The following SMC5 variants were observed in gnomAD, a reference collection of about 807,000 sequenced individuals.
SMC5 encodes structural maintenance of chromosomes 5, also known as structural maintenance of chromosomes protein 5.
A neutral mutation model predicts 148.3 loss-of-function variants in SMC5; 88 were observed. The observed-to-expected ratio is 0.59, with a 90% confidence interval of 0.50 to 0.71. The LOEUF is 0.71. Among genes scored for constraint, SMC5 ranks in the 30% least tolerant of loss-of-function variants. SMC5 has a pLI of 0.00. For synonymous variants in SMC5, 421 were observed against 432.8 expected, an observed-to-expected ratio of 0.97 and a Z score of 0.34; for missense variants, 1,142 against 1,298.9, an observed-to-expected ratio of 0.88 and a Z score of 1.86.
chr9:70,286,177 C>CG, intron 7 of SMC5, 23 bp from the exon 8 acceptor site: 4 of 1,426,928 alleles, frequency 2.8e-6, no homozygotes, highest in Non-Finnish European at 2.9e-6. Flanking sequence ...CTGTCCCCCC[C>CG]TCTCCCCGGT....
chr9:70,310,457 T>G (rs1263403324), intron 11 of SMC5, among the ~76,000 whole-genome samples: 2 of 152,174 alleles, frequency 1.3e-5, no homozygotes, highest in African/African-American at 4.8e-5. Context: ...AAATACTCAG[T>G]AAACCATGCT....
intron 11 of SMC5, among the ~76,000 whole-genome samples, chr9:70,306,332 T>C (rs752620322): frequency 6.6e-6 from 1 of 152,180 alleles, no homozygotes; most frequent in Non-Finnish European, 1.5e-5. Context: ...GGTACACAAG[T>C]GCTTGGAAAG....
At position 70,259,281 on chromosome 9, in the gene SMC5, C is replaced by G; in HGVS notation, c.185+18C>G. The G allele has an allele frequency of 6.4e-7, 1 of 1,553,288 alleles. No individual in the cohort carries two copies. Among genetic ancestry groups the G allele is most frequent in the Non-Finnish European group, 8.7e-7 (1 of 1,147,704 alleles). On this transcript the variant is annotated intron_variant, in intron 1 of 24. Coordinates refer to ENST00000361138, the MANE Select transcript of SMC5 (RefSeq NM_015110.4). Reference sequence around the variant, plus strand: ...AACTTCCTGTAAGTTGCCCGGAGGCCGCGCCGCGGGTGTGGAGGTGTGCTG... The same window carrying G: ...AACTTCCTGTAAGTTGCCCGGAGGCGGCGCCGCGGGTGTGGAGGTGTGCTG...
At chr9:70,351,353 C>CAA (rs771025321) in intron 24 of SMC5, among the ~76,000 whole-genome samples, 3 of 120,604 alleles carry the variant, frequency 2.5e-5, no homozygotes, top group Admixed American at 1.7e-4. Context: ...GACCTTGTTC[C>CAA]AAAAAAAAAA....
rs145139778 is a variant in SMC5, at chr9:70,271,437, A to G, written c.380+3462A>G. Among the ~76,000 whole-genome samples the G allele has an allele frequency of 3.9e-3, 599 of 152,330 alleles. 3 individuals are homozygous for G. Among genetic ancestry groups the G allele is most frequent in the African/African-American group, 0.013 (554 of 41,566 alleles). On this transcript the variant is annotated intron_variant, in intron 3 of 24. Transcript: ENST00000361138. ...TTGAAATTATTGCCATTAAACAAGT[A>G]TACTAACTGGCCATGTATTCCTTGA...
intron 11 of SMC5, among the ~76,000 whole-genome samples, chr9:70,308,409 C>T (rs112295709): frequency 0.011 from 1,682 of 150,948 alleles, 21 homozygotes; most frequent in African/African-American, 0.038. Context: ...TTTGAGACCA[C>T]GGTGAAACCC....
chr9:70,279,506 G>A (rs773755998), intron 5 of SMC5, among the ~76,000 whole-genome samples: 7 of 150,814 alleles, frequency 4.6e-5, no homozygotes, highest in East Asian at 4.0e-4. Context: ...GTGACAGAGC[G>A]AGACCCTGTG....
At chr9:70,345,024 CAG>C (rs1229255690) in intron 18 of SMC5, among the ~76,000 whole-genome samples, 1 of 151,936 alleles carries the variant, frequency 6.6e-6, no homozygotes, top group Non-Finnish European at 1.5e-5. Context: ...ATATCAGACA[CAG>C]AAATCACAGA....
intron 8 of SMC5, among the ~76,000 whole-genome samples, chr9:70,296,402 A>G (rs577835006): frequency 1.3e-5 from 2 of 152,232 alleles, no homozygotes; most frequent in African/African-American, 4.8e-5. Context: ...GTTCTACTAA[A>G]TATACAAAAA....
intron 10 of SMC5, among the ~76,000 whole-genome samples, chr9:70,301,183 T>C (rs1471357224): frequency 6.6e-6 from 1 of 152,154 alleles, no homozygotes; most frequent in African/African-American, 2.4e-5. Flanking sequence ...AGAAAAAATA[T>C]TGTGACCCTT....
Position 70,305,315 on chromosome 9 carries a change from C to CT in SMC5, c.1536dup (p.Val513CysfsTer3). The stretch of plus-strand genomic sequence containing the variant: ...ATATTCCATCAAATGACTTAAGAGC[C>CT]TTTGTATTTGAAAGTCAAGAAGATA... On this transcript the variant is annotated frameshift_variant, in exon 11 of 25. Transcript: ENST00000361138. LOFTEE classifies it high-confidence loss of function. The CT allele has an allele frequency of 1.2e-6, 2 of 1,604,022 alleles. No homozygotes were observed. Among genetic ancestry groups the CT allele is most frequent in the Non-Finnish European group, 1.7e-6 (2 of 1,173,422 alleles).
chr9:70,307,058 A>T (rs2035520919), intron 11 of SMC5, among the ~76,000 whole-genome samples: 1 of 152,192 alleles, frequency 6.6e-6, no homozygotes, highest in Non-Finnish European at 1.5e-5. Flanking sequence ...TTGTTACTCA[A>T]ACAAAATCTT....
At chr9:70,273,039 T>A (rs2034493830) in intron 3 of SMC5, among the ~76,000 whole-genome samples, 1 of 152,240 alleles carries the variant, frequency 6.6e-6, no homozygotes, top group Non-Finnish European at 1.5e-5. Context: ...TTTGATGTGT[T>A]GCTAGATGGG....
intron 8 of SMC5, among the ~76,000 whole-genome samples, chr9:70,296,421 G>A (rs1460802842): frequency 6.6e-6 from 1 of 151,996 alleles, no homozygotes; most frequent in East Asian, 1.9e-4. Flanking sequence ...AATTAACCGG[G>A]CATGGTGGCA....
intron 17 of SMC5, among the ~76,000 whole-genome samples, chr9:70,341,289 C>T (rs1431395157): frequency 3.9e-5 from 6 of 152,112 alleles, no homozygotes; most frequent in Admixed American, 2.6e-4. Context: ...CTTTCTAAGT[C>T]CAGAGCTTCA....
intron 13 of SMC5, among the ~76,000 whole-genome samples, chr9:70,317,589 A>C (rs1027186938): frequency 6.6e-6 from 1 of 152,172 alleles, no homozygotes; most frequent in Non-Finnish European, 1.5e-5. Context: ...TCTGGAAGGA[A>C]ACAAGCTACA....
At chr9:70,308,563 C>A (rs1194520324) in intron 11 of SMC5, among the ~76,000 whole-genome samples, 1 of 137,148 alleles carries the variant, frequency 7.3e-6, no homozygotes, top group Non-Finnish European at 1.5e-5. Flanking sequence ...CCACTGCACT[C>A]CAGCCTGGGC....
chr9:70,354,040 A>C lies in SMC5; in HGVS notation c.*1709A>C, dbSNP rs1487362863. ...AATGGTCAATTACATTTCAATTTACATAGGCCAACAACTGTTCCATACTTT... is the reference window on the plus strand; with the variant it reads ...AATGGTCAATTACATTTCAATTTACCTAGGCCAACAACTGTTCCATACTTT... On this transcript the variant is annotated 3_prime_UTR_variant, in exon 25 of 25. Coordinates refer to ENST00000361138, the MANE Select transcript of SMC5 (RefSeq NM_015110.4). 1 of 152,256 alleles carries C rather than the reference A, an allele frequency of 6.6e-6. No individual in the cohort carries two copies. The highest frequency in any genetic ancestry group is 1.5e-5 in the Non-Finnish European group (1 of 68,048). 9.4% of individuals were successfully genotyped at this position (152,256 alleles called of 1,614,324 possible).
At chr9:70,264,088 G>A (rs1018952292) in intron 1 of SMC5, among the ~76,000 whole-genome samples, 1 of 151,998 alleles carries the variant, frequency 6.6e-6, no homozygotes, top group East Asian at 1.9e-4. Context: ...TTTGAAAAAA[G>A]TATATGAAAT....
Sources: allele counts gnomAD v4.1 joint callset (sites outside exome capture counted in the v4.1 genomes callset), GRCh38; gene constraint gnomAD v4.1.1; transcripts MANE v1.5; gene names NCBI Gene and HGNC (gene_info 2026-07-23, HGNC 2026-07-21).